CHRNB4: variants seen among roughly 807,000 people sequenced by gnomAD.
CHRNB4 encodes the protein cholinergic receptor nicotinic beta 4 subunit.
A neutral mutation model predicts 40.4 loss-of-function variants in CHRNB4; 23 were observed. The ratio of observed to expected loss-of-function variants is 0.57; its 90% CI spans 0.41 to 0.81. The LOEUF (loss-of-function observed/expected upper bound fraction) is 0.81, where lower values mean the gene tolerates loss of function less well. CHRNB4 is among the 30% of genes least tolerant of loss of function. CHRNB4 has a pLI of 0.00. For synonymous variants in CHRNB4, 285 were observed against 274.4 expected (o/e 1.04, Z -0.38); for missense variants, 568 against 670.6 (o/e 0.85, Z 1.69).
intron 5 of CHRNB4, chr15:78,626,888 G>A (rs2053671639): frequency 6.6e-6 from 1 of 152,300 alleles, no homozygotes. Flanking sequence ...GCTAGAAAGA[G>A]CAGAAGGCAC....
At chr15:78,650,044 A>G (rs1478281199) in intron 6 of CHRNB4, among the ~76,000 whole-genome samples, 1 of 64,822 alleles carries the variant, frequency 1.5e-5, no homozygotes, top group Non-Finnish European at 3.7e-5. Context: ...GAGTGTGCCC[A>G]GGAGGAGGAT....
intron 2 of CHRNB4, among the ~76,000 whole-genome samples, chr15:78,658,026 CTCTTT>C (rs2054228069): frequency 1.1e-5 from 1 of 93,074 alleles, no homozygotes; most frequent in Non-Finnish European, 2.2e-5. Flanking sequence ...TCTCTTGTTT[CTCTTT>C]TTTTTTTTTT....
chr15:78,641,738 TG>T (rs2054078630), upstream of CHRNB4, among the ~76,000 whole-genome samples: 1 of 152,048 alleles, frequency 6.6e-6, no homozygotes, highest in South Asian at 2.1e-4. Context: ...TCACCCAGCT[TG>T]GGGGCTGGGG....
chr15:78,629,385 G>A lies in CHRNB4; in HGVS notation c.920C>T (p.Thr307Ile). 1 of 1,614,158 alleles carries A rather than the reference G, an allele frequency of 6.2e-7. No homozygotes were observed. Among genetic ancestry groups the A allele is most frequent in the Non-Finnish European group, 8.5e-7 (1 of 1,180,028 alleles). Residue 307 changes from threonine (T) to isoleucine (I), a missense_variant, in exon 5 of 6, where the codon ACC becomes ATC. Coordinates refer to ENST00000261751, the MANE Select transcript of CHRNB4 (RefSeq NM_000750.5). The surrounding 1 kb of genome is among the most constrained non-coding windows in gnomAD (Gnocchi z 6.8). ...ACAGACGCTGGTGACGATGGAGAAG[G>A]TGACCAGCACCATGGTGAACATGAG... is the stretch of plus-strand genomic sequence containing the variant. ...KYLMFTMVLV[T>I]FSIVTSVCVL...
At chr15:78,626,378 G>GTT (rs2053659909) in intron 5 of CHRNB4, 1 of 61,460 alleles carries the variant, frequency 1.6e-5, no homozygotes, top group Admixed American at 1.3e-4. Context: ...GTGTGTGTGT[G>GTT]TGTGTGTTTC....
rs768274206 is a variant in CHRNB4 at position 78,629,525 on chromosome 15, G to A, written c.780C>T (p.Cys260=). Residue 260 remains cysteine (C), a synonymous_variant, in exon 5 of 6, where the codon TGC becomes TGT. Transcript: ENST00000261751. The surrounding 1 kb of genome is among the most constrained non-coding windows in gnomAD (Gnocchi z 6.8). The part of the protein sequence containing the change: ...AILVFYLPSD[C]GEKMTLCISV... Reference sequence around the variant, plus strand: ...AGATGCACAGTGTCATCTTCTCGCCGCAGTCGGATGGCAGGTAGAAGACGA... The same window carrying A: ...AGATGCACAGTGTCATCTTCTCGCCACAGTCGGATGGCAGGTAGAAGACGA... 42 of 1,614,040 alleles carry A rather than the reference G, an allele frequency of 2.6e-5. No individual in the cohort carries two copies. The highest frequency in any genetic ancestry group is 2.2e-4 in the South Asian group (20 of 91,088).
At position 78,629,090 on chromosome 15, in the gene CHRNB4, C is replaced by T. The variant is rs765684498; in HGVS notation, c.1215G>A (p.Pro405=). The change falls in exon 5 of 6, where the codon CCG becomes CCA. Residue 405 remains proline (P), a synonymous_variant. Coordinates refer to ENST00000261751, the MANE Select transcript of CHRNB4 (RefSeq NM_000750.5). The surrounding 1 kb of genome is among the most constrained non-coding windows in gnomAD (Gnocchi z 6.8). ...AASKSPAGST[P]VAIPRDFWLR... is the part of the protein sequence containing the mutation. ...GCCAGAAATCCCTGGGGATAGCCAC[C>T]GGGGTAGAGCCGGCTGGAGACTTGG... 1.9e-5 allele frequency: 30 copies of T among 1,614,012 alleles called. No individual in the cohort carries two copies. The highest frequency in any genetic ancestry group is 1.1e-4 in the East Asian group (5 of 44,888).
chr15:78,655,779 T>G (rs1162488382), intron 4 of CHRNB4: 1 of 152,200 alleles, frequency 6.6e-6, no homozygotes, highest in Non-Finnish European at 1.5e-5. Flanking sequence ...CAATGTCTGC[T>G]GAAAATTTTG....
intron 2 of CHRNB4, among the ~76,000 whole-genome samples, chr15:78,633,097 C>T (rs1473481097): frequency 6.6e-6 from 1 of 152,178 alleles, no homozygotes; most frequent in Non-Finnish European, 1.5e-5. Context: ...TCCTCCAGCC[C>T]CCTGGCCTTC....
intron 5 of CHRNB4, 89 bp from the exon 6 acceptor site, chr15:78,625,380 C>T (rs1048550327): frequency 2.1e-5 from 27 of 1,258,640 alleles, no homozygotes; most frequent in South Asian, 2.0e-4. Context: ...TGGCCAGGGA[C>T]TCCACAGGCC....
At chr15:78,651,305 T>C (rs1414946898) in intron 6 of CHRNB4, among the ~76,000 whole-genome samples, 1 of 152,048 alleles carries the variant, frequency 6.6e-6, no homozygotes, top group Non-Finnish European at 1.5e-5. Context: ...GCAGACCTGA[T>C]CAAATTCACC....
Position 78,631,273 on chromosome 15 carries a change from C to T in CHRNB4, c.249+15G>A, listed in dbSNP as rs1357954849. On this transcript the variant is annotated intron_variant, in intron 3 of 5. Transcript: ENST00000261751. ...GAAAAGATCTCTGGGGCTCAGGGCC[C>T]TTCAGGGCACTTACCTGTTTCAGCC... 6.2e-7 allele frequency: 1 copy of T among 1,614,110 alleles called. No individual in the cohort carries two copies. The highest frequency in any genetic ancestry group is 8.5e-7 in the Non-Finnish European group (1 of 1,179,974).
chr15:78,651,040 T>C (rs1428377349), intron 6 of CHRNB4, among the ~76,000 whole-genome samples: 4 of 152,136 alleles, frequency 2.6e-5, no homozygotes, highest in Non-Finnish European at 5.9e-5. Flanking sequence ...TTCTCGGGCA[T>C]TGGCACAGGT....
upstream of CHRNB4, among the ~76,000 whole-genome samples, chr15:78,642,202 T>C (rs75381829): frequency 4.0e-3 from 602 of 152,350 alleles, 5 homozygotes; most frequent in East Asian, 0.03. Flanking sequence ...ACATATGGTC[T>C]TTAAAAGCAA....
At chr15:78,657,548 ATATTTATT>A (rs888787419) in intron 2 of CHRNB4, among the ~76,000 whole-genome samples, 14 of 151,864 alleles carry the variant, frequency 9.2e-5, no homozygotes, top group African/African-American at 3.4e-4. Context: ...TGCTAGAGGC[ATATTTATT>A]TATTTATTTA....
chr15:78,640,198 A>G (rs2054040088), intron 1 of CHRNB4, among the ~76,000 whole-genome samples: 1 of 152,120 alleles, frequency 6.6e-6, no homozygotes, highest in Non-Finnish European at 1.5e-5. Context: ...GTGGGTCTCT[A>G]TCCAAGGAAG....
At chr15:78,635,246 A>T (rs1271326603) in intron 2 of CHRNB4, among the ~76,000 whole-genome samples, 193 bp downstream of exon 2, 2 of 152,188 alleles carry the variant, frequency 1.3e-5, no homozygotes, top group Non-Finnish European at 2.9e-5. Context: ...CTTCTTTGTT[A>T]GAACAAAATC....
At chr15:78,638,940 T>G (rs2054013679) in intron 1 of CHRNB4, among the ~76,000 whole-genome samples, 1 of 152,196 alleles carries the variant, frequency 6.6e-6, no homozygotes, top group African/African-American at 2.4e-5. Context: ...GATTCAATGA[T>G]TCTGATGAGG....
intron 4 of CHRNB4, 110 bp downstream of exon 4, chr15:78,630,966 G>A: frequency 1.2e-6 from 1 of 820,710 alleles, no homozygotes; most frequent in Non-Finnish European, 2.0e-6. Context: ...GGAAGGCTGG[G>A]TAAAGCAGAG....
Sources: allele counts gnomAD v4.1 joint callset (sites outside exome capture counted in the v4.1 genomes callset), GRCh38; gene constraint gnomAD v4.1.1; non-coding constraint Gnocchi (gnomAD v3.1); transcripts MANE v1.5; gene names NCBI Gene and HGNC (gene_info 2026-07-23, HGNC 2026-07-21).